The following RABGEF1 variants were observed in gnomAD, a reference collection of about 807,000 sequenced individuals.
RABGEF1 encodes the protein rab5 GDP/GTP exchange factor.
In RABGEF1, 26 loss-of-function variants were observed where a neutral mutation model predicts 57.3. The observed-to-expected ratio is 0.45, with a 90% CI of 0.33 to 0.63. RABGEF1 has a LOEUF of 0.63. Among genes scored for constraint, RABGEF1 ranks in the 20% least tolerant of loss-of-function variants. The pLI, the probability that RABGEF1 is intolerant of heterozygous loss-of-function variation, is 0.02. For missense variants in RABGEF1, 464 were observed against 607.6 expected (o/e 0.76, Z 2.48); for synonymous variants, 185 against 210.7 (o/e 0.88, Z 1.06).
At chr7:66,733,687 G>A (rs1797603059) in intron 2 of RABGEF1, among the ~76,000 whole-genome samples, 1 of 122,978 alleles carries the variant, frequency 8.1e-6, no homozygotes, top group Admixed American at 8.3e-5. Context: ...TACAGAGTGA[G>A]GCTCCATCTC....
the RABGEF1 span, among the ~76,000 whole-genome samples, chr7:66,655,511 C>G: frequency 2.0e-5 from 3 of 152,286 alleles, no homozygotes; most frequent in East Asian, 1.9e-4. Flanking sequence ...TACTTTCCCC[C>G]CCTAAACCTA....
intron 1 of RABGEF1, among the ~76,000 whole-genome samples, chr7:66,709,582 T>C (rs986703692): frequency 6.6e-6 from 1 of 151,904 alleles, no homozygotes; most frequent in Admixed American, 6.6e-5. Context: ...AGTTCAGGAG[T>C]TAGAGACCAG....
upstream of RABGEF1, among the ~76,000 whole-genome samples, chr7:66,681,489 T>C (rs1789732798): frequency 6.6e-6 from 1 of 150,720 alleles, no homozygotes; most frequent in South Asian, 2.1e-4. Flanking sequence ...CTCAACTTCC[T>C]GGGCTATCAA....
intron 1 of RABGEF1, among the ~76,000 whole-genome samples, chr7:66,703,011 C>A (rs1006805860): frequency 6.6e-6 from 1 of 152,058 alleles, no homozygotes. Context: ...CGCTCTGTCG[C>A]CGCCCAGGCT....
At chr7:66,698,462 A>C (rs1792699036) in intron 1 of RABGEF1, among the ~76,000 whole-genome samples, 1 of 152,128 alleles carries the variant, frequency 6.6e-6, no homozygotes, top group Admixed American at 6.6e-5. Context: ...GGCCCAGAGG[A>C]ATCCGTTATT....
At chr7:66,656,702 C>A in the RABGEF1 span, among the ~76,000 whole-genome samples, 1 of 151,824 alleles carries the variant, frequency 6.6e-6, no homozygotes, top group South Asian at 2.1e-4. Context: ...TGCTTGTAAT[C>A]CCAGTTACTC....
At chr7:66,773,593 G>A (rs1807748524) in intron 2 of RABGEF1, 1 of 437,364 alleles carries the variant, frequency 2.3e-6, no homozygotes, top group Non-Finnish European at 4.6e-6. Flanking sequence ...CAAGTTGCCT[G>A]GTGATGCTGC....
chr7:66,666,576 C>T, the RABGEF1 span, among the ~76,000 whole-genome samples: 1 of 152,170 alleles, frequency 6.6e-6, no homozygotes, highest in Non-Finnish European at 1.5e-5. Context: ...GGAGAGGGCT[C>T]GTTTCTTGCC....
intron 1 of RABGEF1, among the ~76,000 whole-genome samples, chr7:66,741,071 C>A (rs1424836265): frequency 6.6e-6 from 1 of 152,308 alleles, no homozygotes; most frequent in East Asian, 1.9e-4. Flanking sequence ...GCCAGCCGAG[C>A]CCCGACGGCC....
In RABGEF1 at chr7:66,761,512, T is replaced by C. The variant is rs917763839; in HGVS notation, c.-17-10371T>C. Among the ~76,000 whole-genome samples the C allele has an allele frequency of 2.6e-5, 4 of 152,236 alleles. No individual in the cohort carries two copies. The East Asian group carries it at 7.7e-4, about 29-fold the overall frequency. ...GGGGAAGGTGCAGAACTTCCATGCC[T>C]TCCCTGGGTGCACACCCTCCAGGAA... is the stretch of plus-strand genomic sequence containing the variant. On this transcript the variant is annotated intron_variant, in intron 1 of 8. Coordinates refer to ENST00000284957, the MANE Select transcript of RABGEF1 (RefSeq NM_014504.3).
At chr7:66,670,854 A>G in the RABGEF1 span, among the ~76,000 whole-genome samples, 2 of 151,702 alleles carry the variant, frequency 1.3e-5, no homozygotes, top group African/African-American at 4.8e-5. Flanking sequence ...TCAAAAAACA[A>G]AACAAAATTT....
chr7:66,694,167 C>T (rs539829802), intron 1 of RABGEF1, among the ~76,000 whole-genome samples: 2 of 152,326 alleles, frequency 1.3e-5, no homozygotes, highest in South Asian at 4.1e-4. Context: ...GCAGAAGGAT[C>T]AGGCACATCC....
At chr7:66,659,131 T>A in the RABGEF1 span, among the ~76,000 whole-genome samples, 32 of 152,148 alleles carry the variant, frequency 2.1e-4, no homozygotes, top group Non-Finnish European at 4.4e-4. Flanking sequence ...CCAATATTGC[T>A]TATGAACATT....
intron 2 of RABGEF1, among the ~76,000 whole-genome samples, chr7:66,774,198 G>A (rs1807953161): frequency 6.6e-6 from 1 of 152,130 alleles, no homozygotes; most frequent in South Asian, 2.1e-4. Flanking sequence ...TTCCAACTCA[G>A]AAAAGTCTTT....
intron 1 of RABGEF1, among the ~76,000 whole-genome samples, chr7:66,686,058 C>G (rs1790577253): frequency 6.6e-6 from 1 of 152,094 alleles, no homozygotes; most frequent in Non-Finnish European, 1.5e-5. Context: ...GTGGGCAGAT[C>G]ACTTAAGGCC....
chr7:66,668,255 C>T, the RABGEF1 span, among the ~76,000 whole-genome samples: 1 of 152,122 alleles, frequency 6.6e-6, no homozygotes, highest in Non-Finnish European at 1.5e-5. Flanking sequence ...CCATGCCCGG[C>T]TAATTGTTTA....
chr7:66,704,546 C>G (rs983174146), intron 1 of RABGEF1, among the ~76,000 whole-genome samples: 2 of 151,972 alleles, frequency 1.3e-5, no homozygotes, highest in African/African-American at 4.8e-5. Context: ...TGCGGTGGCT[C>G]ACACCTGTAA....
chr7:66,801,909 T>G (rs887763455), intron 7 of RABGEF1, among the ~76,000 whole-genome samples: 6 of 152,120 alleles, frequency 3.9e-5, no homozygotes, highest in Non-Finnish European at 7.4e-5. Flanking sequence ...TTTAGTTAGT[T>G]AGTTAGTTAG....
chr7:66,752,973 C>T, intron 1 of RABGEF1, among the ~76,000 whole-genome samples: 1 of 152,214 alleles, frequency 6.6e-6, no homozygotes, highest in Non-Finnish European at 1.5e-5. Context: ...TTGAGCACCT[C>T]CTCAGTTCCT....
Sources: gnomAD v4.1 joint callset for allele counts (sites outside exome capture counted in the v4.1 genomes callset) on GRCh38, gnomAD v4.1.1 for gene constraint, MANE v1.5 for transcripts, NCBI Gene and HGNC (gene_info 2026-07-23, HGNC 2026-07-21) for gene names.